PLA2G4E: variants seen among roughly 807,000 people sequenced by gnomAD.
PLA2G4E encodes the protein phospholipase A2 group IVE.
PLA2G4E carries 84 observed loss-of-function variants against 109.1 expected under a neutral mutation model. The ratio of observed to expected loss-of-function variants is 0.77; its 90% CI spans 0.65 to 0.92. The LOEUF is 0.92. Among genes scored for constraint, PLA2G4E ranks in the 40% least tolerant of loss-of-function variants. The probability of loss-of-function intolerance (pLI) is 0.00; values close to 1 mark genes in which losing one functional copy is unlikely to be tolerated. For synonymous variants in PLA2G4E, 469 were observed against 436.1 expected (o/e 1.08, Z -0.94); for missense variants, 1,057 against 1,076.6 (o/e 0.98, Z 0.25).
intron 1 of PLA2G4E, among the ~76,000 whole-genome samples, chr15:42,030,144 G>A (rs1016494982): frequency 2.6e-5 from 4 of 152,180 alleles, no homozygotes; most frequent in Admixed American, 2.6e-4. Context: ...ATGAAGGTTG[G>A]AGAAGGGAAT....
At chr15:42,001,866 A>AT (rs552371325) in intron 6 of PLA2G4E, among the ~76,000 whole-genome samples, 149 of 151,676 alleles carry the variant, frequency 9.8e-4, no homozygotes, top group African/African-American at 3.4e-3. Flanking sequence ...TAATTTTTGT[A>AT]TTTTTTTGTA....
At chr15:41,999,033 CAGTG>C (rs1442677154) in intron 10 of PLA2G4E, 1 of 148,082 alleles carries the variant, frequency 6.8e-6, no homozygotes, top group African/African-American at 2.6e-5. Flanking sequence ...GCCTGGGCGA[CAGTG>C]AGACTCCATT....
At chr15:42,039,333 A>G (rs1163214060) in intron 1 of PLA2G4E, among the ~76,000 whole-genome samples, 1 of 152,236 alleles carries the variant, frequency 6.6e-6, no homozygotes, top group Non-Finnish European at 1.5e-5. Flanking sequence ...ATTGGTAGAA[A>G]TATTAGTAAA....
chr15:42,031,381 C>T (rs553461435), intron 1 of PLA2G4E, among the ~76,000 whole-genome samples: 29 of 152,294 alleles, frequency 1.9e-4, no homozygotes, highest in Non-Finnish European at 2.5e-4. Context: ...AATCCCCAGA[C>T]GTGAAATGGC....
intron 1 of PLA2G4E, among the ~76,000 whole-genome samples, chr15:42,044,719 G>A (rs1889381637): frequency 6.6e-6 from 1 of 151,736 alleles, no homozygotes; most frequent in Admixed American, 6.6e-5. Context: ...CACCAACGTG[G>A]CACGTGTATA....
At chr15:41,994,276 C>A (rs950959866) in intron 12 of PLA2G4E, among the ~76,000 whole-genome samples, 2 of 146,346 alleles carry the variant, frequency 1.4e-5, no homozygotes, top group Non-Finnish European at 3.0e-5. Flanking sequence ...CTCCTTCTGT[C>A]TCACCTGGGC....
chr15:41,989,412 C>T lies in PLA2G4E; in HGVS notation c.1723+3G>A, dbSNP rs371840555. 4.4e-5 allele frequency: 71 copies of T among 1,613,828 alleles called. No homozygotes were observed. The African/African-American group carries it at 8.4e-4, about 19-fold the overall frequency. ...GTCATTCCGCCAGTTGCAAGGCAGT[C>T]ACCTAGCATGTAGCAGATTCGAGAC... On this transcript the variant is annotated splice_donor_region_variant and intron_variant, in intron 15 of 19. Coordinates refer to ENST00000399518, the Ensembl canonical transcript of PLA2G4E.
chr15:42,042,080 T>C (rs1391583133), intron 1 of PLA2G4E, among the ~76,000 whole-genome samples: 2 of 152,164 alleles, frequency 1.3e-5, no homozygotes, highest in Admixed American at 6.5e-5. Context: ...CTTTTGGGTG[T>C]TCATAGCACA....
intron 2 of PLA2G4E, among the ~76,000 whole-genome samples, chr15:42,011,027 G>C (rs772786407): frequency 2.0e-5 from 3 of 152,258 alleles, no homozygotes; most frequent in Non-Finnish European, 4.4e-5. Context: ...ACCCAGGCAA[G>C]GTAGCAACAC....
chr15:41,990,314 G>A, intron 13 of PLA2G4E, 79 bp from the exon 14 acceptor site: 1 of 1,302,464 alleles, frequency 7.7e-7, no homozygotes, highest in Non-Finnish European at 1.1e-6. Flanking sequence ...AAGACAATCT[G>A]GACCCCCGCA....
At chr15:41,992,172 A>T (rs969937582) in intron 13 of PLA2G4E, among the ~76,000 whole-genome samples, 2 of 152,186 alleles carry the variant, frequency 1.3e-5, no homozygotes, top group African/African-American at 4.8e-5. Flanking sequence ...TTATTGACTG[A>T]GGACCCCAGC....
intron 1 of PLA2G4E, among the ~76,000 whole-genome samples, chr15:42,044,284 C>T (rs980284897): frequency 6.6e-6 from 1 of 152,138 alleles, no homozygotes; most frequent in African/African-American, 2.4e-5. Flanking sequence ...AGGAAGCAGC[C>T]TTGAAGCTGA....
intron 1 of PLA2G4E, among the ~76,000 whole-genome samples, chr15:42,024,098 T>C (rs1279409812): frequency 2.6e-5 from 4 of 151,312 alleles, no homozygotes; most frequent in Admixed American, 2.0e-4. Flanking sequence ...TAAAATTAAA[T>C]GGTAAATTGG....
Position 42,037,306 on chromosome 15 carries a change from C to T in PLA2G4E, c.183+13215G>A, listed in dbSNP as rs532419823. ...TTCCAGGCTCACCCATGGCTGCCCA[C>T]GGACCAATGTGCGCGCACTTCCTCC... On this transcript the variant is annotated intron_variant, in intron 1 of 19. Transcript: ENST00000399518. Among the ~76,000 whole-genome samples the T allele has an allele frequency of 1.3e-4, 20 of 152,348 alleles. No individual in the cohort carries two copies. The East Asian group carries it at 1.9e-3, about 15-fold the overall frequency.
At chr15:42,000,270 A>T in exon 8 of PLA2G4E, 1 of 1,569,732 alleles carries the variant, frequency 6.4e-7, no homozygotes, top group Non-Finnish European at 8.6e-7. Context: ...CACCATCACC[A>T]GGAGGTCCTT....
At chr15:41,983,814 G>C (rs371871744) in exon 20 of PLA2G4E, 42 of 1,610,402 alleles carry the variant, frequency 2.6e-5, no homozygotes, top group Non-Finnish European at 3.6e-5. Context: ...GCAGAGCCTG[G>C]AGGAGAGTGT....
intron 2 of PLA2G4E, among the ~76,000 whole-genome samples, chr15:42,010,941 G>A (rs2068529523): frequency 6.6e-6 from 1 of 152,146 alleles, no homozygotes; most frequent in Non-Finnish European, 1.5e-5. Flanking sequence ...TGTTTATTTT[G>A]GATTCAAACT....
intron 1 of PLA2G4E, among the ~76,000 whole-genome samples, 105 bp from the exon 1 acceptor site, chr15:42,021,147 G>A (rs952075037): frequency 6.6e-6 from 1 of 151,850 alleles, no homozygotes; most frequent in Non-Finnish European, 1.5e-5. Flanking sequence ...GTTTGAGTGG[G>A]TAGACAGATA....
At chr15:42,029,459 T>C (rs188131869) in intron 1 of PLA2G4E, among the ~76,000 whole-genome samples, 36 of 152,338 alleles carry the variant, frequency 2.4e-4, no homozygotes, top group African/African-American at 8.4e-4. Context: ...TTAAAACTTG[T>C]GGCCTCTGGT....
Sources: gnomAD v4.1 joint callset for allele counts (sites outside exome capture counted in the v4.1 genomes callset) on GRCh38, gnomAD v4.1.1 for gene constraint, MANE v1.5 for transcripts, NCBI Gene and HGNC (gene_info 2026-07-23, HGNC 2026-07-21) for gene names.